Variants in PCDHA5 observed in about 807,000 individuals in gnomAD.
PCDHA5 encodes protocadherin alpha 5, also known as protocadherin alpha-5.
Under a neutral mutation model 61.6 loss-of-function variants are expected in PCDHA5, and 43 were observed. The observed-to-expected ratio is 0.70, with a 90% CI of 0.55 to 0.90. The LOEUF is 0.90. Among genes scored for constraint, PCDHA5 ranks in the 40% least tolerant of loss-of-function variants. The pLI, the probability that PCDHA5 is intolerant of heterozygous loss-of-function variation, is 0.00. For missense variants in PCDHA5, 1,298 were observed against 1,222.7 expected (o/e 1.06, Z -0.92); for synonymous variants, 627 against 543.9 (o/e 1.15, Z -2.13).
intron 1 of PCDHA5, among the ~76,000 whole-genome samples, chr5:140,881,880 C>G (rs1157311188): frequency 6.6e-6 from 1 of 152,210 alleles, no homozygotes; most frequent in Non-Finnish European, 1.5e-5. Flanking sequence ...AAATGAAACT[C>G]ATCAACCAAT....
chr5:140,909,620 A>C (rs576090849), intron 1 of PCDHA5, among the ~76,000 whole-genome samples: 1 of 152,122 alleles, frequency 6.6e-6, no homozygotes. Flanking sequence ...GGCAGCTCTA[A>C]TTGGTCTTCC....
At chr5:140,966,631 G>A in intron 1 of PCDHA5, 1 of 995,532 alleles carries the variant, frequency 1.0e-6, no homozygotes, top group Non-Finnish European at 1.4e-6. Flanking sequence ...AGCGGCCCCA[G>A]GCGCTTTCTA....
At chr5:140,966,927 C>A in intron 1 of PCDHA5, 1 of 1,603,516 alleles carries the variant, frequency 6.2e-7, no homozygotes, top group Non-Finnish European at 8.5e-7. Context: ...GAGCAGGCAC[C>A]CGGCGCGCTC....
At chr5:140,962,790 C>T (rs899867239) in intron 1 of PCDHA5, among the ~76,000 whole-genome samples, 28 of 152,286 alleles carry the variant, frequency 1.8e-4, no homozygotes, top group African/African-American at 6.0e-4. Flanking sequence ...TTAAAAACTA[C>T]TTTGGACAAC....
chr5:140,885,367 G>T (rs1476588272), intron 1 of PCDHA5, among the ~76,000 whole-genome samples: 2 of 152,244 alleles, frequency 1.3e-5, no homozygotes, highest in African/African-American at 4.8e-5. Flanking sequence ...GTGACTGAAA[G>T]TACCTTTTGG....
chr5:140,959,795 T>G (rs2095511248), intron 1 of PCDHA5, among the ~76,000 whole-genome samples: 1 of 152,180 alleles, frequency 6.6e-6, no homozygotes, highest in Non-Finnish European at 1.5e-5. Flanking sequence ...CATGGCTAAT[T>G]TAGAGGATTT....
At chr5:140,892,552 T>A (rs1041756319) in intron 1 of PCDHA5, among the ~76,000 whole-genome samples, 1 of 152,222 alleles carries the variant, frequency 6.6e-6, no homozygotes, top group East Asian at 1.9e-4. Flanking sequence ...GTTTCTCTAG[T>A]CCTTGGAGAC....
chr5:140,857,289 G>A lies in PCDHA5; in HGVS notation c.2352+33162G>A, dbSNP rs782361309. The A allele has an allele frequency of 3.8e-6, 6 of 1,598,692 alleles. No homozygotes were observed. In the South Asian group the frequency reaches 4.4e-5, roughly 12 times the overall value. ...TTGGTGCTGGACAGCGCTCTGGACC[G>A]CGAGAGGGTGTCGGCCTATGAGCTG... On this transcript the variant is annotated intron_variant, in intron 1 of 3. Coordinates refer to ENST00000529859, the MANE Select transcript of PCDHA5 (RefSeq NM_018908.3).
At chr5:140,969,034 G>A in intron 1 of PCDHA5, 1 of 1,614,144 alleles carries the variant, frequency 6.2e-7, no homozygotes, top group East Asian at 2.2e-5. Flanking sequence ...CTGCAGAACT[G>A]TACAAACAAG....
At chr5:140,860,513 C>A (rs1176536406) in intron 1 of PCDHA5, 3 of 152,110 alleles carry the variant, frequency 2.0e-5, no homozygotes, top group African/African-American at 7.2e-5. Context: ...AGATAAAACT[C>A]TTCATGGAAT....
chr5:140,932,203 T>C (rs1415160763), intron 1 of PCDHA5, among the ~76,000 whole-genome samples: 1 of 151,924 alleles, frequency 6.6e-6, no homozygotes, highest in Non-Finnish European at 1.5e-5. Context: ...TCTGTTAATA[T>C]TCTTGATGGG....
chr5:140,838,729 A>G (rs2150291864), intron 1 of PCDHA5, among the ~76,000 whole-genome samples: 7 of 152,120 alleles, frequency 4.6e-5, no homozygotes, highest in Non-Finnish European at 8.8e-5. Flanking sequence ...TCAGTCTAGT[A>G]GTTTGAGACC....
intron 1 of PCDHA5, chr5:140,834,345 C>T: frequency 2.0e-6 from 3 of 1,521,606 alleles, no homozygotes; most frequent in Non-Finnish European, 2.7e-6. Context: ...AATTCGAAGG[C>T]AAGTTTTGCT....
At chr5:140,950,548 G>T (rs1363394631) in intron 1 of PCDHA5, among the ~76,000 whole-genome samples, 2 of 151,990 alleles carry the variant, frequency 1.3e-5, no homozygotes, top group African/African-American at 4.8e-5. Context: ...TTGCATGGCT[G>T]GGGGGACACT....
At chr5:140,930,527 A>G (rs73793525) in intron 1 of PCDHA5, 1 of 152,462 alleles carries the variant, frequency 6.6e-6, no homozygotes, top group Non-Finnish European at 1.5e-5. Context: ...CTGGCCCTCA[A>G]ACTTCTTGAG....
chr5:140,925,100 A>AGGAG (rs1217709299), intron 1 of PCDHA5, among the ~76,000 whole-genome samples: 12 of 151,586 alleles, frequency 7.9e-5, no homozygotes, highest in Admixed American at 1.3e-4. Context: ...GAAGGAAGGA[A>AGGAG]GGAAGGAGGG....
chr5:140,876,181 G>T, intron 1 of PCDHA5: 1 of 1,613,982 alleles, frequency 6.2e-7, no homozygotes, highest in South Asian at 1.1e-5. Context: ...GGATGTGAAT[G>T]ACAATGGTCC....
intron 1 of PCDHA5, chr5:140,851,710 G>C: frequency 1.0e-6 from 1 of 958,600 alleles, no homozygotes; most frequent in Non-Finnish European, 1.3e-6. Context: ...GCCATGTGAA[G>C]ATTCGAAACT....
chr5:140,927,634 A>G, intron 1 of PCDHA5: 1 of 1,614,184 alleles, frequency 6.2e-7, no homozygotes, highest in Non-Finnish European at 8.5e-7. Context: ...GACTGCACCC[A>G]ATGGGACTGT....
Sources: allele counts gnomAD v4.1 joint callset (sites outside exome capture counted in the v4.1 genomes callset), GRCh38; gene constraint gnomAD v4.1.1; transcripts MANE v1.5; gene names NCBI Gene and HGNC (gene_info 2026-07-23, HGNC 2026-07-21).